Variants in DDX23 observed in about 807,000 individuals in gnomAD.
The protein encoded by DDX23 is probable ATP-dependent RNA helicase DDX23.
In DDX23, 33 loss-of-function variants were observed where a neutral mutation model predicts 102.7. The ratio of observed to expected loss-of-function variants is 0.32; its 90% CI spans 0.24 to 0.43. DDX23 has a LOEUF of 0.43. DDX23 is among the 20% of genes least tolerant of loss of function. The pLI is 1.00. For synonymous variants in DDX23, 352 were observed against 376.0 expected, an observed-to-expected ratio of 0.94 and a Z score of 0.74; for missense variants, 549 against 1,086.6, an observed-to-expected ratio of 0.51 and a Z score of 6.96.
rs767064537 is a variant in DDX23, at chr12:48,845,731, C to G, written c.52G>C (p.Glu18Gln). The G allele has an allele frequency of 6.2e-7, 1 of 1,614,218 alleles. No homozygotes were observed. Among genetic ancestry groups the G allele is most frequent in the Non-Finnish European group, 8.5e-7 (1 of 1,180,046 alleles). ...KKDRDASPSK[E>Q]ERKRSRTPDR... The stretch of plus-strand genomic sequence containing the variant: ...GGAGTCCGTGATCGCTTCCTTTCCT[C>G]CTTGGAAGGTGATGCATCACGGTCC... Residue 18 changes from glutamate to glutamine, a missense_variant, in exon 2 of 17, where the codon GAG (glutamate) becomes CAG (glutamine). Around this residue, in one of 4 missense-constraint regions of DDX23, gnomAD observed 241 missense variants for 267.0 expected, o/e 0.90. Coordinates refer to ENST00000308025, the MANE Select transcript of DDX23 (RefSeq NM_004818.3).
At position 48,836,144 on chromosome 12, in the gene DDX23, G is replaced by A. The variant is rs746881934; in HGVS notation, c.1359C>T (p.Ile453=). The change falls in exon 11 of 17, where the codon ATC becomes ATT. Residue 453 remains isoleucine, a synonymous_variant. Transcript: ENST00000308025. The surrounding 1 kb of genome is among the most constrained non-coding windows in gnomAD (Gnocchi z 6.1). ...AAFLIPLLVW[I]TTLPKIDRIE... is the part of the protein sequence containing the mutation. ...ACCTGTCAATTTTGGGAAGTGTGGTGATCCAGACCAGCAGAGGGATGAGGA... is the reference window on the plus strand; with the variant it reads ...ACCTGTCAATTTTGGGAAGTGTGGTAATCCAGACCAGCAGAGGGATGAGGA... 45 of 1,613,090 alleles carry A rather than the reference G, an allele frequency of 2.8e-5. No homozygotes were observed. The highest frequency in any genetic ancestry group is 3.6e-5 in the Non-Finnish European group (42 of 1,180,038).
At chr12:48,838,216 G>T in intron 5 of DDX23, 136 bp from the exon 6 acceptor site, 1 of 1,296,102 alleles carries the variant, frequency 7.7e-7, no homozygotes, top group Non-Finnish European at 1.1e-6. Flanking sequence ...AATAGGCCTT[G>T]GACTCGGTTA....
intron 15 of DDX23, chr12:48,831,791 T>G (rs1336178594): frequency 4.0e-6 from 2 of 506,074 alleles, no homozygotes; most frequent in African/African-American, 3.8e-5. Context: ...CTTTTCTACA[T>G]CCTCAGACTG....
rs1274360927 is a variant in DDX23 at position 48,832,168 on chromosome 12, G to A, written c.1974C>T (p.Ile658=). Reference sequence around the variant, plus strand: ...TGGGTGGGTCAAAGCCTTGCTCCAAGATTGCCAGCAGCTTTTTCCTGGAAG... The same window carrying A: ...TGGGTGGGTCAAAGCCTTGCTCCAAAATTGCCAGCAGCTTTTTCCTGGAAG... ...ESEKRKKLLA[I]LEQGFDPPII... The change falls in exon 15 of 17, where the codon ATC becomes ATT. Residue 658 remains isoleucine (I), a synonymous_variant. Transcript: ENST00000308025. The surrounding 1 kb of genome is among the most constrained non-coding windows in gnomAD (Gnocchi z 4.4). 1 of 1,613,982 alleles carries A rather than the reference G, an allele frequency of 6.2e-7. No homozygotes were observed. Among genetic ancestry groups the A allele is most frequent in the African/African-American group, 1.3e-5 (1 of 74,954 alleles).
chr12:48,845,497 G>T, intron 2 of DDX23, 77 bp downstream of exon 2: 2 of 1,485,898 alleles, frequency 1.3e-6, no homozygotes, highest in Non-Finnish European at 1.9e-6. Flanking sequence ...AATACTGGAG[G>T]CATCAGAAGA....
chr12:48,833,620 G>C (rs569946817), intron 12 of DDX23, 101 bp from the exon 13 acceptor site: 4 of 1,433,134 alleles, frequency 2.8e-6, no homozygotes, highest in Non-Finnish European at 2.8e-6. Flanking sequence ...CAATGCTGAG[G>C]AACTTGGACC....
At chr12:48,843,107 G>C (rs1277356254) in intron 3 of DDX23, among the ~76,000 whole-genome samples, 2 of 148,732 alleles carry the variant, frequency 1.3e-5, no homozygotes, top group Non-Finnish European at 3.0e-5. Flanking sequence ...CAGCATGCTC[G>C]TTAAGAGTCA....
intron 1 of DDX23, among the ~76,000 whole-genome samples, chr12:48,847,032 A>G (rs1477872437): frequency 1.3e-5 from 2 of 152,232 alleles, no homozygotes; most frequent in Non-Finnish European, 2.9e-5. Context: ...TGGTTCCTTA[A>G]GCTTTAGCTT....
rs141632868 is a variant in DDX23 at position 48,844,211 on chromosome 12, T to C, written c.210-161A>G. 3.2e-3 allele frequency among the ~76,000 whole-genome samples: 487 copies of C among 152,340 alleles called. 2 individuals carry two copies. The Middle Eastern group carries it at 0.037, about 12-fold the overall frequency. On this transcript the variant is annotated intron_variant, in intron 2 of 16. Coordinates refer to ENST00000308025, the MANE Select transcript of DDX23 (RefSeq NM_004818.3). ...ACGAGGGAATTCTAAGAAGCTTTTA[T>C]AGATCAGAGATGTACTGTTAAATAT...
chr12:48,830,395 G>A lies in DDX23; in HGVS notation c.*74C>T, dbSNP rs775667466. 3 of 1,515,076 alleles carry A rather than the reference G, an allele frequency of 2.0e-6. No individual in the cohort carries two copies. Among genetic ancestry groups the A allele is most frequent in the Admixed American group, 1.7e-5 (1 of 57,898 alleles). 93.9% of individuals were successfully genotyped at this position (1,515,076 alleles called of 1,614,324 possible). ...TCCCAAGAGTGAGGACCTGGAAAGAGGGATGTGAGGGTTCTGAAAAACAGG... is the reference window on the plus strand; with the variant it reads ...TCCCAAGAGTGAGGACCTGGAAAGAAGGATGTGAGGGTTCTGAAAAACAGG... On this transcript the variant is annotated 3_prime_UTR_variant, in exon 17 of 17. Coordinates refer to ENST00000308025, the MANE Select transcript of DDX23 (RefSeq NM_004818.3). This position sits in a 1 kb window ranked among gnomAD's most constrained non-coding sequence, Gnocchi z 4.9.
At chr12:48,834,287 A>G (rs1938432814) in intron 12 of DDX23, 33 bp downstream of exon 12, 2 of 1,580,316 alleles carry the variant, frequency 1.3e-6, no homozygotes, top group Non-Finnish European at 1.7e-6. Flanking sequence ...GCCTTCCCAG[A>G]CAGCAGGCTG....
chr12:48,840,631 C>T (rs1035628000), intron 3 of DDX23, among the ~76,000 whole-genome samples: 12 of 151,070 alleles, frequency 7.9e-5, no homozygotes, highest in Non-Finnish European at 1.5e-4. Context: ...CAGCTCACTG[C>T]AACCTCCGCC....
chr12:48,848,347 C>G (rs1938702889), intron 1 of DDX23, among the ~76,000 whole-genome samples: 1 of 151,592 alleles, frequency 6.6e-6, no homozygotes, highest in South Asian at 2.1e-4. Context: ...CTTCATAAAG[C>G]TTAAATTCTA....
chr12:48,838,007 T>C lies in DDX23; in HGVS notation c.554A>G (p.Gln185Arg). 1 of 1,614,118 alleles carries C rather than the reference T, an allele frequency of 6.2e-7. No individual in the cohort carries two copies. The highest frequency in any genetic ancestry group is 1.3e-5 in the African/African-American group (1 of 75,044). The part of the protein sequence containing the change: ...KRRQQEVEER[Q>R]RMLEEERKKR... ...CTTCCTCTCTTCTTCAAGCATCCTC[T>C]GCCGCTCTTCCACCTCCTGCTGCCG... Residue 185 changes from glutamine (Q) to arginine (R), a missense_variant, in exon 6 of 17, where the codon CAG becomes CGG. Gln to Arg is a conservative substitution (Grantham distance 43). Transcript: ENST00000308025.
chr12:48,846,035 G>A (rs1317064918), intron 1 of DDX23, among the ~76,000 whole-genome samples: 4 of 152,322 alleles, frequency 2.6e-5, no homozygotes, highest in Middle Eastern at 3.4e-3. Context: ...TCCTTTCAGA[G>A]TCTCACTCTG....
At chr12:48,835,406 C>T (rs1938455689) in intron 11 of DDX23, among the ~76,000 whole-genome samples, 1 of 151,924 alleles carries the variant, frequency 6.6e-6, no homozygotes, top group Admixed American at 6.6e-5. Flanking sequence ...AACCTCATCT[C>T]TACTAAAAAT....
chr12:48,835,145 T>TGAGGTAGGAGGATATGAGCCTGG (rs1938448978), intron 11 of DDX23: 1 of 236,768 alleles, frequency 4.2e-6, no homozygotes, highest in Non-Finnish European at 9.0e-6. Flanking sequence ...CTTGGGAGGC[T>TGAGGTAGGAGGATATGAGCCTGG]GAGGTAGGAG....
In DDX23 at chr12:48,831,327, A is replaced by T. The variant is rs1938383123; in HGVS notation, c.2065-11T>A. On this transcript the variant is annotated splice_polypyrimidine_tract_variant and intron_variant, in intron 15 of 16. Transcript: ENST00000308025. ...TGTGCAAGCATTGTACTGTTGGAAG[A>T]ATGGTGAAGTGAAGAGTGAGCAATG... is the stretch of plus-strand genomic sequence containing the variant. 4 of 1,614,026 alleles carry T rather than the reference A, an allele frequency of 2.5e-6. No individual in the cohort carries two copies. Among genetic ancestry groups the T allele is most frequent in the Non-Finnish European group, 3.4e-6 (4 of 1,179,972 alleles).
In DDX23 at chr12:48,834,463, T is replaced by C. The variant is rs1938435784; in HGVS notation, c.1417A>G (p.Ile473Val). Residue 473 changes from isoleucine to valine, a missense_variant, in exon 12 of 17, where the codon ATC becomes GTC. Ile to Val is a conservative substitution (Grantham distance 29, BLOSUM62 3). Around this residue, in one of 4 missense-constraint regions of DDX23, gnomAD observed 270 missense variants for 707.0 expected, o/e 0.38. Transcript: ENST00000308025. Reference protein sequence around the residue: ...EESDQGPYAIILAPTRELAQQ... With the variant: ...EESDQGPYAIVLAPTRELAQQ... The stretch of plus-strand genomic sequence containing the variant: ...GCCAACTCACGGGTGGGAGCCAGGA[T>C]GATGGCATAAGGGCCTTGGTCTGAC... The C allele has an allele frequency of 6.2e-7, 1 of 1,613,982 alleles. No homozygotes were observed.
Sources: allele counts gnomAD v4.1 joint callset (sites outside exome capture counted in the v4.1 genomes callset), GRCh38; gene constraint gnomAD v4.1.1; regional missense constraint gnomAD v4.1.1; non-coding constraint Gnocchi (gnomAD v3.1); transcripts MANE v1.5; gene names NCBI Gene and HGNC (gene_info 2026-07-23, HGNC 2026-07-21).